PCDHA2: variants seen among roughly 807,000 people sequenced by gnomAD.
PCDHA2 encodes protocadherin alpha-2.
PCDHA2 carries 58 observed loss-of-function variants against 66.0 expected under a neutral mutation model. The ratio of observed to expected loss-of-function variants is 0.88; its 90% CI spans 0.71 to 1.09. The LOEUF is 1.09. Ranked by LOEUF, PCDHA2 falls within the 50% of genes least tolerant of loss-of-function variation. The pLI is 0.00. For missense variants in PCDHA2, 1,267 were observed against 1,242.3 expected (o/e 1.02, Z -0.30); for synonymous variants, 634 against 554.0 (o/e 1.14, Z -2.03).
rs782706939 is a variant in PCDHA2 at position 140,967,257 on chromosome 5, G to C, written c.2389-11692G>C. ...CAGGTAAGCGAATCGGTGGCGCCTG[G>C]AGCGCGCTTTCACATAGAGAGTGCG... is the stretch of plus-strand genomic sequence containing the variant. On this transcript the variant is annotated intron_variant, in intron 1 of 3. Coordinates refer to ENST00000526136, the MANE Select transcript of PCDHA2 (RefSeq NM_018905.3). 1.9e-6 allele frequency: 3 copies of C among 1,613,486 alleles called. No individual in the cohort carries two copies. The highest frequency in any genetic ancestry group is 1.3e-5 in the African/African-American group (1 of 75,062).
chr5:140,984,365 C>G (rs2097099251), intron 3 of PCDHA2, among the ~76,000 whole-genome samples: 1 of 152,128 alleles, frequency 6.6e-6, no homozygotes. Flanking sequence ...TACATCTGGC[C>G]AAGTCCCTCT....
rs576672267 is a variant in PCDHA2 at position 140,878,151 on chromosome 5, T to G, written c.2388+80799T>G. 31 of 178,298 alleles carry G rather than the reference T, an allele frequency of 1.7e-4. No individual in the cohort carries two copies. The Middle Eastern group carries it at 7.4e-3, about 42-fold the overall frequency. The allele number at this position is 178,298 out of a possible 1,614,324, so 11.0% of individuals were successfully genotyped here. On this transcript the variant is annotated intron_variant, in intron 1 of 3. Coordinates refer to ENST00000526136, the MANE Select transcript of PCDHA2 (RefSeq NM_018905.3). Reference sequence around the variant, plus strand: ...AAAAGTGGCCAGATGTTTGATAACTTAAAAATTTAATTTGTTCATAATTTC... The same window carrying G: ...AAAAGTGGCCAGATGTTTGATAACTGAAAAATTTAATTTGTTCATAATTTC...
At chr5:140,818,133 G>A (rs1433395378) in intron 1 of PCDHA2, among the ~76,000 whole-genome samples, 10 of 152,200 alleles carry the variant, frequency 6.6e-5, no homozygotes, top group Non-Finnish European at 8.8e-5. Flanking sequence ...AGATTTAGCA[G>A]TATGCCTTCA....
intron 1 of PCDHA2, chr5:140,871,323 CT>C (rs2052977645): frequency 6.2e-7 from 1 of 1,614,102 alleles, no homozygotes; most frequent in Non-Finnish European, 8.5e-7. Context: ...CGCTGGTGTG[CT>C]CCCGCGCGGT....
intron 1 of PCDHA2, chr5:140,869,097 G>T (rs1344358126): frequency 1.3e-6 from 2 of 1,595,318 alleles, no homozygotes; most frequent in Non-Finnish European, 1.7e-6. Flanking sequence ...AGCCAATTTC[G>T]TATGCGATGT....
intron 1 of PCDHA2, chr5:140,842,195 C>T (rs1165859216): frequency 1.9e-6 from 3 of 1,613,558 alleles, no homozygotes; most frequent in Non-Finnish European, 2.5e-6. Flanking sequence ...GGTTATTGAC[C>T]ACTTTAGCAT....
chr5:140,971,050 C>G (rs2096454255), intron 1 of PCDHA2, among the ~76,000 whole-genome samples: 1 of 152,146 alleles, frequency 6.6e-6, no homozygotes, highest in South Asian at 2.1e-4. Context: ...AAGGGTTTAG[C>G]TTTAAATAAG....
intron 1 of PCDHA2, among the ~76,000 whole-genome samples, chr5:140,878,864 A>G (rs1465235970): frequency 1.3e-5 from 2 of 152,152 alleles, no homozygotes; most frequent in Non-Finnish European, 2.9e-5. Flanking sequence ...CTGATCCTCC[A>G]TTTCAGCCTT....
intron 1 of PCDHA2, chr5:140,870,176 TACGAGAGG>T: frequency 6.2e-7 from 1 of 1,614,126 alleles, no homozygotes; most frequent in Non-Finnish European, 8.5e-7. Flanking sequence ...TCCCTCCCAG[TACGAGAGG>T]ACGCTCAGCC....
At chr5:140,926,949 G>A in intron 1 of PCDHA2, 3 of 1,592,316 alleles carry the variant, frequency 1.9e-6, no homozygotes, top group Non-Finnish European at 2.6e-6. Context: ...GCGCTGCAGC[G>A]GGACAGCTCG....
intron 1 of PCDHA2, chr5:140,807,079 T>G: frequency 2.4e-6 from 3 of 1,251,084 alleles, no homozygotes; most frequent in Non-Finnish European, 3.4e-6. Context: ...TATACACTCT[T>G]TGGAGTCTGA....
chr5:140,955,796 A>G (rs1432865248), intron 1 of PCDHA2, among the ~76,000 whole-genome samples: 3 of 152,004 alleles, frequency 2.0e-5, no homozygotes, highest in Non-Finnish European at 4.4e-5. Context: ...ATGTTTTTCT[A>G]TTTGTTTGTG....
At chr5:140,832,622 T>A (rs2150202867) in intron 1 of PCDHA2, among the ~76,000 whole-genome samples, 13 of 152,136 alleles carry the variant, frequency 8.5e-5, no homozygotes, top group African/African-American at 3.1e-4. Flanking sequence ...AAATGTTTTT[T>A]AAAAAGTTCC....
chr5:140,842,014 A>G (rs2150327358), intron 1 of PCDHA2: 1 of 1,613,836 alleles, frequency 6.2e-7, no homozygotes. Context: ...TGCTGGTCAC[A>G]GTGCTGGATG....
chr5:140,816,013 A>C (rs1254998757), intron 1 of PCDHA2: 1 of 152,094 alleles, frequency 6.6e-6, no homozygotes, highest in African/African-American at 2.4e-5. Flanking sequence ...TAAATTCTTA[A>C]CATTTCTTGG....
At position 141,010,025 on chromosome 5, in the gene PCDHA2, A is replaced by T; in HGVS notation, c.*88A>T. On this transcript the variant is annotated 3_prime_UTR_variant, in exon 4 of 4. Coordinates refer to ENST00000526136, the MANE Select transcript of PCDHA2 (RefSeq NM_018905.3). ...TAGCAATTCCCTGCTCCTTTTTCCT[A>T]TCTACATGAGCCCTCTTAGAGACCT... The T allele has an allele frequency of 6.4e-7, 1 of 1,573,940 alleles. No homozygotes were observed. The highest frequency in any genetic ancestry group is 1.2e-5 in the South Asian group (1 of 82,592).
At chr5:140,815,033 A>G (rs1251467889) in intron 1 of PCDHA2, 1 of 152,108 alleles carries the variant, frequency 6.6e-6, no homozygotes, top group Non-Finnish European at 1.5e-5. Context: ...TACAATTTGC[A>G]TGAAATTTTT....
At chr5:140,843,659 C>A in intron 1 of PCDHA2, 1 of 1,594,466 alleles carries the variant, frequency 6.3e-7, no homozygotes, top group Non-Finnish European at 8.6e-7. Context: ...TCCTCCTGAT[C>A]TGGGATCAGT....
chr5:140,937,964 A>G (rs1298140144), intron 1 of PCDHA2, among the ~76,000 whole-genome samples: 1 of 152,164 alleles, frequency 6.6e-6, no homozygotes, highest in East Asian at 1.9e-4. Flanking sequence ...GAAAGTATAT[A>G]GAAATAATAC....
Sources: gnomAD v4.1 joint callset for allele counts (sites outside exome capture counted in the v4.1 genomes callset) on GRCh38, gnomAD v4.1.1 for gene constraint, MANE v1.5 for transcripts, NCBI Gene and HGNC (gene_info 2026-07-23, HGNC 2026-07-21) for gene names.